DLG2: variants seen among roughly 807,000 people sequenced by gnomAD.
DLG2 encodes disks large homolog 2.
In DLG2, 45 loss-of-function variants were observed where a neutral mutation model predicts 132.5. That is an observed-to-expected ratio of 0.34 (90% confidence interval 0.27 to 0.44). DLG2 has a LOEUF of 0.44. DLG2 is among the 20% of genes least tolerant of loss of function. The pLI is 1.00. For synonymous variants in DLG2, 424 were observed against 419.6 expected (o/e 1.01, Z -0.13); for missense variants, 1,045 against 1,196.9 (o/e 0.87, Z 1.87).
chr11:83,695,984 C>T (rs1338365202), intron 18 of DLG2, among the ~76,000 whole-genome samples: 3 of 152,118 alleles, frequency 2.0e-5, no homozygotes, highest in African/African-American at 7.2e-5. Context: ...CGGGGTGGAT[C>T]ATTCTCTGTC....
At chr11:83,611,375 G>A (rs180984759) in intron 19 of DLG2, among the ~76,000 whole-genome samples, 5 of 152,190 alleles carry the variant, frequency 3.3e-5, no homozygotes, top group African/African-American at 9.6e-5. Context: ...CATGCTGTTC[G>A]ATAATTTCAG....
intron 6 of DLG2, among the ~76,000 whole-genome samples, chr11:85,087,857 A>AG (rs2068177921): frequency 6.7e-6 from 1 of 148,242 alleles, no homozygotes; most frequent in Non-Finnish European, 1.5e-5. Flanking sequence ...AAAAAAAAAA[A>AG]AAAAAAAAAA....
intron 8 of DLG2, among the ~76,000 whole-genome samples, chr11:84,194,336 T>C (rs1360959367): frequency 6.6e-6 from 1 of 152,170 alleles, no homozygotes; most frequent in Non-Finnish European, 1.5e-5. Flanking sequence ...TGTTCAGATG[T>C]GCCCGGAGTT....
intron 7 of DLG2, among the ~76,000 whole-genome samples, chr11:84,303,750 A>G (rs1229005747): frequency 6.6e-6 from 1 of 152,198 alleles, no homozygotes; most frequent in African/African-American, 2.4e-5. Flanking sequence ...AACAAAACAA[A>G]TAAACAAAGG....
intron 15 of DLG2, among the ~76,000 whole-genome samples, chr11:83,917,871 C>T (rs2077182736): frequency 6.6e-6 from 1 of 152,136 alleles, no homozygotes; most frequent in South Asian, 2.1e-4. Flanking sequence ...ACTAGAGTTA[C>T]ACAGTTATTA....
intron 16 of DLG2, among the ~76,000 whole-genome samples, chr11:83,864,519 T>C (rs551597323): frequency 2.0e-5 from 3 of 152,300 alleles, no homozygotes; most frequent in Middle Eastern, 3.4e-3. Flanking sequence ...TAATTCTCTA[T>C]GTAATAAGCA....
At chr11:85,408,207 G>A (rs756658921) in intron 3 of DLG2, among the ~76,000 whole-genome samples, 5 of 147,570 alleles carry the variant, frequency 3.4e-5, no homozygotes, top group Non-Finnish European at 7.5e-5. Context: ...TTTTGATTTT[G>A]GAATTATTTT....
At chr11:83,839,052 C>T (rs1304831630) in intron 16 of DLG2, among the ~76,000 whole-genome samples, 1 of 152,150 alleles carries the variant, frequency 6.6e-6, no homozygotes, top group Non-Finnish European at 1.5e-5. Context: ...ATTTATGTTA[C>T]CCATCTGGGG....
chr11:84,594,811 T>C (rs528831423), intron 6 of DLG2, among the ~76,000 whole-genome samples: 27 of 152,332 alleles, frequency 1.8e-4, no homozygotes, highest in African/African-American at 6.0e-4. Flanking sequence ...ATGGAACTGT[T>C]GCAGGTTTCC....
intron 3 of DLG2, among the ~76,000 whole-genome samples, chr11:85,426,365 G>T (rs971892453): frequency 2.0e-5 from 3 of 152,158 alleles, no homozygotes; most frequent in Non-Finnish European, 4.4e-5. Flanking sequence ...AGCCTAACTG[G>T]GAGGCACCCC....
intron 6 of DLG2, among the ~76,000 whole-genome samples, chr11:84,660,503 C>T (rs2099693416): frequency 6.6e-6 from 1 of 152,104 alleles, no homozygotes; most frequent in Non-Finnish European, 1.5e-5. Flanking sequence ...TCTGATACCT[C>T]TTTTAAGGAA....
Position 83,873,821 on chromosome 11 carries a change from C to G in DLG2, c.1565+599G>C, listed in dbSNP as rs574224518. Among the ~76,000 whole-genome samples, 3 of 152,328 alleles carry G rather than the reference C, an allele frequency of 2.0e-5. No homozygotes were observed. In the East Asian group the frequency reaches 5.8e-4, roughly 29 times the overall value. On this transcript the variant is annotated intron_variant, in intron 16 of 27. Coordinates refer to ENST00000376104, the MANE Select transcript of DLG2 (RefSeq NM_001142699.3). ...AGAGTTACATCTTTTCAGGAACCAA[C>G]ATGACCTGCTCCCTAGTACCCTTTG...
chr11:84,487,700 T>C (rs2099154469), intron 7 of DLG2, among the ~76,000 whole-genome samples: 1 of 152,098 alleles, frequency 6.6e-6, no homozygotes, highest in Non-Finnish European at 1.5e-5. Flanking sequence ...GAGATAACTA[T>C]ACTGAGGTTC....
intron 3 of DLG2, among the ~76,000 whole-genome samples, chr11:85,287,362 A>T (rs1303982390): frequency 6.6e-6 from 1 of 152,160 alleles, no homozygotes; most frequent in Non-Finnish European, 1.5e-5. Context: ...GGTAAAAGTT[A>T]TGAGCAGGCA....
intron 6 of DLG2, among the ~76,000 whole-genome samples, chr11:84,750,976 T>G (rs999092758): frequency 1.3e-5 from 2 of 152,158 alleles, no homozygotes; most frequent in African/African-American, 2.4e-5. Context: ...GGTATCCTAT[T>G]AAGTCAAGAA....
intron 6 of DLG2, among the ~76,000 whole-genome samples, chr11:84,661,664 C>A (rs1405457121): frequency 3.9e-5 from 6 of 152,092 alleles, no homozygotes; most frequent in Non-Finnish European, 5.9e-5. Context: ...CTTTGAGTTC[C>A]TCACAATTCA....
rs543465807 is a variant in DLG2 at position 84,991,252 on chromosome 11, G to A, written c.357+120409C>T. ...ATGTTGGGCATAGTGGCCAGTGCCT[G>A]TAATCCCAGCAATTTGGGGGACTGA... On this transcript the variant is annotated intron_variant, in intron 6 of 27. Transcript: ENST00000376104. 3.3e-5 allele frequency among the ~76,000 whole-genome samples: 5 copies of A among 152,324 alleles called. No homozygotes were observed. In the South Asian group the frequency reaches 1.0e-3, roughly 32 times the overall value.
intron 6 of DLG2, among the ~76,000 whole-genome samples, chr11:84,700,387 T>G (rs545921093): frequency 6.6e-6 from 1 of 151,702 alleles, no homozygotes; most frequent in East Asian, 1.9e-4. Flanking sequence ...TTCATGGGCA[T>G]GTAAAAATTG....
rs1408379164 is a variant in DLG2 at position 84,706,488 on chromosome 11, C to T, written c.358-171757G>A. On this transcript the variant is annotated intron_variant, in intron 6 of 27. Transcript: ENST00000376104. ...AACATCTTGATTGAACACAATTCAACATAGAATTAGATTAAATGGAACTGA... is the reference window on the plus strand; with the variant it reads ...AACATCTTGATTGAACACAATTCAATATAGAATTAGATTAAATGGAACTGA... Among the ~76,000 whole-genome samples the T allele has an allele frequency of 2.0e-5, 3 of 151,726 alleles. No homozygotes were observed. In the East Asian group the frequency reaches 5.9e-4, roughly 30 times the overall value.
Sources: allele counts gnomAD v4.1 joint callset (sites outside exome capture counted in the v4.1 genomes callset), GRCh38; gene constraint gnomAD v4.1.1; transcripts MANE v1.5; gene names NCBI Gene and HGNC (gene_info 2026-07-23, HGNC 2026-07-21).